The following INPP5B variants were observed in gnomAD, a reference collection of about 807,000 sequenced individuals.
The protein encoded by INPP5B is type II inositol 1,4,5-trisphosphate 5-phosphatase.
Under a neutral mutation model 118.5 loss-of-function variants are expected in INPP5B, and 90 were observed. The observed-to-expected ratio is 0.76, with a 90% CI of 0.64 to 0.90. INPP5B has a LOEUF of 0.90. Among genes scored for constraint, INPP5B ranks in the 40% least tolerant of loss-of-function variants. The pLI is 0.00. For missense variants in INPP5B, 984 were observed against 1,125.6 expected (o/e 0.87, Z 1.80); for synonymous variants, 385 against 418.9 (o/e 0.92, Z 0.99).
At chr1:37,931,685 G>T (rs1333791102) in intron 7 of INPP5B, 2 of 1,526,052 alleles carry the variant, frequency 1.3e-6, no homozygotes, top group South Asian at 2.4e-5. Context: ...GCAGTGTTGC[G>T]CTCCCGAGAG....
chr1:37,886,067 A>G (rs2148507349), intron 12 of INPP5B, among the ~76,000 whole-genome samples: 1 of 151,942 alleles, frequency 6.6e-6, no homozygotes, highest in African/African-American at 2.4e-5. Flanking sequence ...CATCCCAGCT[A>G]CTCGGGAGGC....
At chr1:37,896,580 T>C (rs1219058839) in intron 7 of INPP5B, among the ~76,000 whole-genome samples, 574 of 64,480 alleles carry the variant, frequency 8.9e-3, no homozygotes, top group South Asian at 0.016. Context: ...GGCCAGCCGC[T>C]CCGTCCGGGA....
chr1:37,889,490 G>C (rs1295210529), intron 9 of INPP5B, 67 bp downstream of exon 9: 1 of 1,247,382 alleles, frequency 8.0e-7, no homozygotes, highest in East Asian at 2.4e-5. Context: ...ATAGGAGGAA[G>C]TGCTCAAATT....
intron 15 of INPP5B, 60 bp downstream of exon 15, chr1:37,880,025 T>C: frequency 2.7e-6 from 3 of 1,110,772 alleles, no homozygotes; most frequent in Non-Finnish European, 4.1e-6. Flanking sequence ...AAAGGGCAAG[T>C]ACTTCCCAGA....
intron 6 of INPP5B, among the ~76,000 whole-genome samples, chr1:37,938,192 C>G (rs996637740): frequency 1.3e-5 from 2 of 151,762 alleles, no homozygotes; most frequent in African/African-American, 4.8e-5. Context: ...TCACTTGAAC[C>G]CAGGAGGTGG....
intron 7 of INPP5B, among the ~76,000 whole-genome samples, chr1:37,901,077 C>T (rs753301482): frequency 3.9e-5 from 6 of 151,966 alleles, no homozygotes; most frequent in Admixed American, 3.3e-4. Flanking sequence ...CTCAAAGTGC[C>T]GGGATTACAG....
intron 7 of INPP5B, among the ~76,000 whole-genome samples, chr1:37,906,553 A>G (rs1376535587): frequency 6.6e-6 from 1 of 152,182 alleles, no homozygotes; most frequent in Admixed American, 6.5e-5. Context: ...AAAAAAATAT[A>G]TGTTTCAAAA....
At chr1:37,896,953 C>T (rs1380679830) in intron 7 of INPP5B, among the ~76,000 whole-genome samples, 2 of 119,622 alleles carry the variant, frequency 1.7e-5, no homozygotes, top group Non-Finnish European at 3.9e-5. Flanking sequence ...CCACTCTGCC[C>T]GGCCAGCCGC....
chr1:37,868,685 A>G (rs2148452858), intron 19 of INPP5B, 71 bp from the exon 20 acceptor site: 1 of 948,506 alleles, frequency 1.1e-6, no homozygotes, highest in East Asian at 2.4e-5. Context: ...GCATGGGGAC[A>G]GCAAACCCAC....
Position 37,861,202 on chromosome 1 carries a change from T to G in INPP5B, c.*1113A>C, listed in dbSNP as rs1267803234. 1.3e-5 allele frequency: 2 copies of G among 152,198 alleles called. No individual in the cohort carries two copies. The highest frequency in any genetic ancestry group is 2.9e-5 in the Non-Finnish European group (2 of 68,034). 9.4% of individuals were successfully genotyped at this position (152,198 alleles called of 1,614,324 possible). On this transcript the variant is annotated 3_prime_UTR_variant, in exon 24 of 24. Transcript: ENST00000373024. The stretch of plus-strand genomic sequence containing the variant: ...GCCTCAGAGTTATTGAGCCATTATC[T>G]GGGCAGGAACGGGGGTCGAGTTTGC...
At chr1:37,916,369 C>T (rs1339643727) in intron 7 of INPP5B, among the ~76,000 whole-genome samples, 1 of 151,730 alleles carries the variant, frequency 6.6e-6, no homozygotes, top group African/African-American at 2.4e-5. Flanking sequence ...GCTGAGATTA[C>T]AGGCATGAGC....
chr1:37,873,234 G>A (rs1642579285), intron 18 of INPP5B, 69 bp from the exon 19 acceptor site: 1 of 1,097,956 alleles, frequency 9.1e-7, no homozygotes, highest in East Asian at 2.3e-5. Context: ...GAAGGCAGGA[G>A]GGAAGAGGGT....
chr1:37,920,967 G>A (rs1469965390), intron 7 of INPP5B, among the ~76,000 whole-genome samples: 5 of 152,054 alleles, frequency 3.3e-5, no homozygotes, highest in South Asian at 4.1e-4. Context: ...TCAGGCGGGC[G>A]TGGTGGCGGG....
At chr1:37,904,627 C>T (rs555296325) in intron 7 of INPP5B, among the ~76,000 whole-genome samples, 61 of 152,162 alleles carry the variant, frequency 4.0e-4, no homozygotes, top group African/African-American at 1.5e-3. Context: ...TCTGTAATCC[C>T]AGCACTTTGG....
At chr1:37,877,451 T>C (rs1332001106) in intron 16 of INPP5B, among the ~76,000 whole-genome samples, 1 of 152,216 alleles carries the variant, frequency 6.6e-6, no homozygotes, top group Non-Finnish European at 1.5e-5. Context: ...GGCAAAAATT[T>C]TGAAGACTGA....
At chr1:37,917,974 G>T (rs1644932582) in intron 7 of INPP5B, among the ~76,000 whole-genome samples, 2 of 152,074 alleles carry the variant, frequency 1.3e-5, no homozygotes, top group Admixed American at 6.5e-5. Flanking sequence ...ATGCAGGGGG[G>T]ACCCAGGTAA....
Position 37,872,952 on chromosome 1 carries a change from G to C in INPP5B, c.2165C>G (p.Pro722Arg), listed in dbSNP as rs749302964. 2.5e-6 allele frequency: 4 copies of C among 1,613,712 alleles called. No homozygotes were observed. Among genetic ancestry groups the C allele is most frequent in the Non-Finnish European group, 3.4e-6 (4 of 1,179,788 alleles). The change falls in exon 19 of 24, where the codon CCA becomes CGA. Residue 722 changes from proline to arginine, a missense_variant. Physicochemically the swap from Pro to Arg is moderately radical, Grantham distance 103 (BLOSUM62 -2). Around this residue, in one of 2 missense-constraint regions of INPP5B, gnomAD observed 634 missense variants for 791.0 expected, o/e 0.80. Coordinates refer to ENST00000373024, the MANE Select transcript of INPP5B (RefSeq NM_005540.3). ...CACCAGCTCACTAATGGTTTCAAGTGGTAGGTCCAAGATTGGCTCTCTCAT... is the reference window on the plus strand; with the variant it reads ...CACCAGCTCACTAATGGTTTCAAGTCGTAGGTCCAAGATTGGCTCTCTCAT... ...CYMREPILDLPLETISELTLM... is the reference protein window; with the variant it reads ...CYMREPILDLRLETISELTLM...
chr1:37,893,092 T>C (rs1382953561), intron 7 of INPP5B, among the ~76,000 whole-genome samples: 1 of 77,294 alleles, frequency 1.3e-5, no homozygotes, highest in African/African-American at 3.5e-5. Context: ...TTTCTTTTTT[T>C]TTTTTTTTTT....
rs375324242 is a variant in INPP5B at position 37,945,758 on chromosome 1, G to A, written c.150C>T (p.His50=). 4.2e-5 allele frequency: 67 copies of A among 1,612,992 alleles called. No homozygotes were observed. The highest frequency in any genetic ancestry group is 1.6e-4 in the Middle Eastern group (1 of 6,082). The part of the protein sequence containing the change: ...RYRLEHGGQE[H]ALFLYTHRRM... ...TGGGGACCAAGCCCCTCACTCACGC[G>A]TGTTCCTGGCCGCCGTGCTCCAGGC... is the stretch of plus-strand genomic sequence containing the variant. The change falls in exon 3 of 24, where the codon CAC becomes CAT. Residue 50 remains histidine, a splice_region_variant and synonymous_variant. Coordinates refer to ENST00000373024, the MANE Select transcript of INPP5B (RefSeq NM_005540.3).
Sources: allele counts gnomAD v4.1 joint callset (sites outside exome capture counted in the v4.1 genomes callset), GRCh38; gene constraint gnomAD v4.1.1; regional missense constraint gnomAD v4.1.1; transcripts MANE v1.5; gene names NCBI Gene and HGNC (gene_info 2026-07-23, HGNC 2026-07-21).